RAB3IP: variants seen among roughly 807,000 people sequenced by gnomAD.
RAB3IP encodes the protein RAB3A interacting protein, also known as rab-3A-interacting protein.
RAB3IP carries 36 observed loss-of-function variants against 59.1 expected under a neutral mutation model. The observed-to-expected ratio is 0.61, with a 90% CI of 0.47 to 0.80. The LOEUF (loss-of-function observed/expected upper bound fraction) is 0.80, where lower values mean the gene tolerates loss of function less well. Ranked by LOEUF, RAB3IP falls within the 30% of genes least tolerant of loss-of-function variation. The probability of loss-of-function intolerance (pLI) is 0.00; values close to 1 mark genes in which losing one functional copy is unlikely to be tolerated. For missense variants in RAB3IP, 511 were observed against 536.0 expected, an observed-to-expected ratio of 0.95 and a Z score of 0.46; for synonymous variants, 207 against 191.2, an observed-to-expected ratio of 1.08 and a Z score of -0.68.
At chr12:69,782,498 TATG>T (rs1874907832) in intron 3 of RAB3IP, among the ~76,000 whole-genome samples, 1 of 152,238 alleles carries the variant, frequency 6.6e-6, no homozygotes, top group Admixed American at 6.5e-5. Flanking sequence ...CTTAATAAGA[TATG>T]ATGTTGATCA....
rs1372567594 is a variant in RAB3IP at position 69,821,287 on chromosome 12, A to G, written c.*5841A>G. ...CTAGATTAGATTACTATTCAAGAGA[A>G]TGATTCTCTACCGAAACTCTGCAAA... On this transcript the variant is annotated 3_prime_UTR_variant, in exon 11 of 11. Transcript: ENST00000247833. 1 of 152,252 alleles carries G rather than the reference A, an allele frequency of 6.6e-6. No individual in the cohort carries two copies. Among genetic ancestry groups the G allele is most frequent in the Non-Finnish European group, 1.5e-5 (1 of 68,058 alleles). The allele number at this position is 152,252 out of a possible 1,614,324, so 9.4% of individuals were successfully genotyped here.
intron 8 of RAB3IP, 119 bp downstream of exon 8, chr12:69,801,840 C>A: frequency 3.1e-6 from 2 of 636,422 alleles, no homozygotes; most frequent in Non-Finnish European, 2.7e-6. Flanking sequence ...TTCTCTTAAG[C>A]GTCTGTGTAG....
At chr12:69,783,674 T>C (rs1158539177) in intron 3 of RAB3IP, among the ~76,000 whole-genome samples, 1 of 152,244 alleles carries the variant, frequency 6.6e-6, no homozygotes, top group Non-Finnish European at 1.5e-5. Flanking sequence ...TTAGATTTGC[T>C]CTCCGAGTTT....
At chr12:69,779,796 T>C (rs1272022564) in intron 3 of RAB3IP, among the ~76,000 whole-genome samples, 1 of 152,200 alleles carries the variant, frequency 6.6e-6, no homozygotes, top group Non-Finnish European at 1.5e-5. Flanking sequence ...TAGTTTGATT[T>C]TTATTCTGAC....
chr12:69,753,721 A>G (rs1453841289), intron 1 of RAB3IP, among the ~76,000 whole-genome samples: 2 of 152,204 alleles, frequency 1.3e-5, no homozygotes, highest in Admixed American at 6.5e-5. Context: ...AAGGAAAAAA[A>G]TTGGAAAGAG....
At chr12:69,748,391 G>A (rs1286915476) in intron 1 of RAB3IP, among the ~76,000 whole-genome samples, 1 of 152,048 alleles carries the variant, frequency 6.6e-6, no homozygotes, top group Non-Finnish European at 1.5e-5. Context: ...ATCTTTCTAG[G>A]CATTTATTAA....
At chr12:69,754,320 C>A (rs1351286327) in intron 1 of RAB3IP, among the ~76,000 whole-genome samples, 2 of 138,234 alleles carry the variant, frequency 1.4e-5, no homozygotes, top group Admixed American at 1.6e-4. Flanking sequence ...TTAGGATACA[C>A]ACACACATAC....
intron 3 of RAB3IP, among the ~76,000 whole-genome samples, chr12:69,780,577 T>G (rs1874524961): frequency 6.6e-6 from 1 of 152,224 alleles, no homozygotes; most frequent in African/African-American, 2.4e-5. Context: ...GGACAAAGGC[T>G]GACAGGTCCT....
chr12:69,816,823 C>CAG lies in RAB3IP; in HGVS notation c.*1380_*1381dup, dbSNP rs1194635527. ...AGATAACATTTTTTTCAGTCCTGTT[C>CAG]AGAGGTTTGGTCAATCTTACCTGTA... On this transcript the variant is annotated 3_prime_UTR_variant, in exon 11 of 11. Coordinates refer to ENST00000247833, the MANE Select transcript of RAB3IP (RefSeq NM_022456.5). 2.0e-5 allele frequency: 3 copies of CAG among 152,238 alleles called. No homozygotes were observed. The highest frequency in any genetic ancestry group is 2.0e-4 in the Admixed American group (3 of 15,280). 9.4% of individuals were successfully genotyped at this position (152,238 alleles called of 1,614,324 possible).
intron 1 of RAB3IP, among the ~76,000 whole-genome samples, chr12:69,750,172 T>C (rs1371215091): frequency 6.6e-6 from 1 of 152,170 alleles, no homozygotes; most frequent in Non-Finnish European, 1.5e-5. Flanking sequence ...AGATGCGCTA[T>C]GCTTAATATT....
chr12:69,795,246 A>T lies in RAB3IP; in HGVS notation c.790A>T (p.Lys264Ter). The T allele has an allele frequency of 6.2e-7, 1 of 1,614,054 alleles. No individual in the cohort carries two copies. The highest frequency in any genetic ancestry group is 8.5e-7 in the Non-Finnish European group (1 of 1,179,934). The change falls in exon 6 of 11, where the codon AAA becomes TAA. Residue 264 changes from lysine (K) to a stop codon, truncating the protein, a stop_gained. Transcript: ENST00000247833. LOFTEE classifies it high-confidence loss of function. Reference protein sequence around the residue: ...EPLPGGKTPFKKGHTRNKSTS... With the variant: ...EPLPGGKTPF The stretch of plus-strand genomic sequence containing the variant: ...TTTGCCAGGTGGAAAGACACCTTTT[A>T]AAAAGGGGCATACAAGAAATAAAAG...
chr12:69,766,028 C>T (rs1872141995), intron 3 of RAB3IP, among the ~76,000 whole-genome samples: 1 of 152,182 alleles, frequency 6.6e-6, no homozygotes, highest in South Asian at 2.1e-4. Context: ...GGTATGGCTC[C>T]ATTTGTATGT....
chr12:69,818,063 C>CAAG lies in RAB3IP; in HGVS notation c.*2619_*2620insGAA, dbSNP rs35791347. ...TTCGATTGGTGAAAATGAAGAAACA[C>CAAG]AAAGTCAAGTTTTGGAGAGGGTTTT... On this transcript the variant is annotated 3_prime_UTR_variant, in exon 11 of 11. Transcript: ENST00000247833. 1 of 151,822 alleles carries CAAG rather than the reference C, an allele frequency of 6.6e-6. No homozygotes were observed. Among genetic ancestry groups the CAAG allele is most frequent in the Non-Finnish European group, 1.5e-5 (1 of 67,960 alleles). The allele number at this position is 151,822 out of a possible 1,614,324, so 9.4% of individuals were successfully genotyped here. A position where few individuals can be genotyped will look rare whatever the true frequency, so the allele number is the denominator to read the frequency against.
In RAB3IP at chr12:69,801,736, G is replaced by C. The variant is rs1157451429; in HGVS notation, c.1130+15G>C. 3 of 1,481,616 alleles carry C rather than the reference G, an allele frequency of 2.0e-6. No homozygotes were observed. The highest frequency in any genetic ancestry group is 2.8e-5 in the African/African-American group (2 of 71,900). The allele number at this position is 1,481,616 out of a possible 1,614,324, so 91.8% of individuals were successfully genotyped here. A position where few individuals can be genotyped will look rare whatever the true frequency, so the allele number is the denominator to read the frequency against. On this transcript the variant is annotated intron_variant, in intron 8 of 10. Transcript: ENST00000247833. ...GGAGGACCAAAGTAGGTTTTTACGT[G>C]CATGAACTGTGAAAGTGACTGAGTT...
intron 7 of RAB3IP, among the ~76,000 whole-genome samples, 196 bp downstream of exon 7, chr12:69,800,533 G>A (rs1034270888): frequency 2.0e-5 from 3 of 152,020 alleles, no homozygotes; most frequent in African/African-American, 7.2e-5. Context: ...TTTCTTATAT[G>A]AGCAGAGGAT....
intron 3 of RAB3IP, among the ~76,000 whole-genome samples, chr12:69,762,947 TA>T (rs559648969): frequency 7.0e-4 from 107 of 152,110 alleles, no homozygotes; most frequent in Non-Finnish European, 3.1e-4. Context: ...CATTAACAAA[TA>T]TTTTTTTATG....
intron 3 of RAB3IP, among the ~76,000 whole-genome samples, chr12:69,781,057 T>C (rs1016225126): frequency 3.3e-5 from 5 of 152,212 alleles, no homozygotes; most frequent in Admixed American, 6.5e-5. Flanking sequence ...AAGTTGTAAC[T>C]CTTTTTCCAA....
intron 3 of RAB3IP, among the ~76,000 whole-genome samples, chr12:69,764,496 A>G (rs7296096): frequency 0.76 from 114,935 of 152,036 alleles, 43,596 homozygotes; most frequent in East Asian, 0.87. Flanking sequence ...TTGTTCCATT[A>G]GTCTATGTGT....
chr12:69,812,845 T>G lies in RAB3IP; in HGVS notation c.1198T>G (p.Tyr400Asp), dbSNP rs780831712. The G allele has an allele frequency of 2.5e-6, 4 of 1,612,978 alleles. No homozygotes were observed. Among genetic ancestry groups the G allele is most frequent in the Non-Finnish European group, 3.4e-6 (4 of 1,178,960 alleles). Residue 400 changes from tyrosine to aspartate, a missense_variant, in exon 9 of 11, where the codon TAT (tyrosine) becomes GAT (aspartate). Coordinates refer to ENST00000247833, the MANE Select transcript of RAB3IP (RefSeq NM_022456.5). ...HRIKLGDSSN[Y>D]YYISPFCRYR... ...AATTAAATTAGGGGACTCAAGCAACTATTATTATATTTCTCCTTTTTGCAG... is the reference window on the plus strand; with the variant it reads ...AATTAAATTAGGGGACTCAAGCAACGATTATTATATTTCTCCTTTTTGCAG...
Sources: gnomAD v4.1 joint callset for allele counts (sites outside exome capture counted in the v4.1 genomes callset) on GRCh38, gnomAD v4.1.1 for gene constraint, MANE v1.5 for transcripts, NCBI Gene and HGNC (gene_info 2026-07-23, HGNC 2026-07-21) for gene names.